The following C3orf52 variants were observed in gnomAD, a reference collection of about 807,000 sequenced individuals.
The protein encoded by C3orf52 is TPA-induced transmembrane protein.
Under a neutral mutation model 24.8 loss-of-function variants are expected in C3orf52, and 22 were observed. That is an observed-to-expected ratio of 0.89 (90% confidence interval 0.63 to 1.27). The LOEUF (loss-of-function observed/expected upper bound fraction) is 1.27. Ranked by LOEUF, C3orf52 falls within the 50% of genes most tolerant of loss-of-function variation. C3orf52 has a pLI of 0.00. For missense variants in C3orf52, 265 were observed against 260.7 expected (o/e 1.02, Z -0.11); for synonymous variants, 93 against 100.2 (o/e 0.93, Z 0.43).
chr3:112,105,518 A>G (rs2107784004), intron 3 of C3orf52, among the ~76,000 whole-genome samples: 1 of 148,434 alleles, frequency 6.7e-6, no homozygotes, highest in South Asian at 2.2e-4. Flanking sequence ...ACCCACATTC[A>G]ATGCAGAACA....
chr3:112,098,297 T>C (rs188310145), intron 2 of C3orf52, among the ~76,000 whole-genome samples: 51 of 152,362 alleles, frequency 3.3e-4, no homozygotes, highest in African/African-American at 9.1e-4. Flanking sequence ...AACTTCATTA[T>C]ACTCTTCTGA....
chr3:112,130,631 T>C (rs2107813777), downstream of C3orf52: 1 of 888,008 alleles, frequency 1.1e-6, no homozygotes, highest in Non-Finnish European at 1.9e-6. Context: ...AGAAATTGAC[T>C]GGTTGCCCTC....
exon 5 of C3orf52, chr3:112,128,238 AGAT>A (rs2107808732): frequency 1.4e-6 from 1 of 705,414 alleles, no homozygotes. Context: ...CCTAGGATGA[AGAT>A]GATACTATCA....
intron 2 of C3orf52, among the ~76,000 whole-genome samples, chr3:112,099,182 T>C (rs2073950399): frequency 1.3e-5 from 2 of 152,218 alleles, no homozygotes; most frequent in Non-Finnish European, 2.9e-5. Context: ...TTGCTTCCTG[T>C]TAAGCCCGCA....
At chr3:112,105,802 A>AAC (rs1252216068) in intron 3 of C3orf52, among the ~76,000 whole-genome samples, 1 of 150,250 alleles carries the variant, frequency 6.7e-6, no homozygotes, top group African/African-American at 2.5e-5. Context: ...CAGCCTGGGC[A>AAC]ACAGAGCGAG....
At chr3:112,120,289 G>A (rs1007377959), downstream of C3orf52, among the ~76,000 whole-genome samples, 2 of 152,162 alleles carry the variant, frequency 1.3e-5, no homozygotes, top group Non-Finnish European at 2.9e-5. Context: ...GAGCCCTTGT[G>A]GAATCCTGGA....
At chr3:112,098,984 A>G (rs76513866) in intron 2 of C3orf52, among the ~76,000 whole-genome samples, 10,419 of 152,236 alleles carry the variant, frequency 0.068, 470 homozygotes, top group African/African-American at 0.13. Flanking sequence ...TGATTGGATC[A>G]TGGGGGTAGA....
intron 1 of C3orf52, among the ~76,000 whole-genome samples, chr3:112,087,202 G>T (rs2073837924): frequency 6.6e-6 from 1 of 152,134 alleles, no homozygotes; most frequent in African/African-American, 2.4e-5. Flanking sequence ...AGGTGAACTT[G>T]CCCTGCTCAA....
downstream of C3orf52, among the ~76,000 whole-genome samples, chr3:112,118,617 AATGGT>A (rs2074160659): frequency 6.6e-6 from 1 of 152,194 alleles, no homozygotes; most frequent in South Asian, 2.1e-4. Context: ...TTTCTGCCCA[AATGGT>A]ATGGGAAAAA....
chr3:112,116,189 C>G (rs560019177), intron 5 of C3orf52, among the ~76,000 whole-genome samples: 1 of 152,192 alleles, frequency 6.6e-6, no homozygotes, highest in South Asian at 2.1e-4. Flanking sequence ...CTGTAGACCC[C>G]GGCGGGCTCC....
downstream of C3orf52, among the ~76,000 whole-genome samples, chr3:112,131,206 A>C (rs915280553): frequency 2.0e-5 from 3 of 152,200 alleles, no homozygotes; most frequent in African/African-American, 7.2e-5. Flanking sequence ...ACTGAGGCCC[A>C]AAATGCTAGG....
chr3:112,127,232 TTCTC>T (rs1429597094), intron 4 of C3orf52, among the ~76,000 whole-genome samples: 2 of 152,194 alleles, frequency 1.3e-5, no homozygotes, highest in Admixed American at 6.5e-5. Flanking sequence ...TTGTGCCTCT[TTCTC>T]TCTCTCCTCC....
chr3:112,115,467 G>A (rs929803918), intron 5 of C3orf52, among the ~76,000 whole-genome samples: 3 of 152,134 alleles, frequency 2.0e-5, no homozygotes, highest in African/African-American at 7.2e-5. Context: ...TGATTACCCA[G>A]GCAACTAGTT....
At chr3:112,116,491 G>A (rs1291438655) in intron 5 of C3orf52, 151 bp from the exon 6 acceptor site, 2 of 643,716 alleles carry the variant, frequency 3.1e-6, no homozygotes, top group African/African-American at 3.7e-5. Flanking sequence ...GTGTTGGACT[G>A]AAGACTAAAT....
chr3:112,130,645 CAT>C (rs773905076), downstream of C3orf52: 1 of 768,194 alleles, frequency 1.3e-6, no homozygotes, highest in Non-Finnish European at 2.3e-6. Flanking sequence ...TGCCCTCACA[CAT>C]GTTAATACTG....
chr3:112,094,986 T>A (rs914507894), intron 2 of C3orf52, among the ~76,000 whole-genome samples: 1 of 152,168 alleles, frequency 6.6e-6, no homozygotes, highest in South Asian at 2.1e-4. Context: ...GAAACTACAT[T>A]TTCCATTTAC....
At chr3:112,089,535 A>G (rs1283063728) in intron 1 of C3orf52, among the ~76,000 whole-genome samples, 1 of 151,620 alleles carries the variant, frequency 6.6e-6, no homozygotes, top group Non-Finnish European at 1.5e-5. Flanking sequence ...GTCTCAAAAA[A>G]AAAAAAAAAA....
At chr3:112,124,380 G>T (rs1362523340) in intron 4 of C3orf52, among the ~76,000 whole-genome samples, 1 of 152,120 alleles carries the variant, frequency 6.6e-6, no homozygotes, top group Non-Finnish European at 1.5e-5. Context: ...AGGCCGAAGT[G>T]GGTGGATCAC....
At chr3:112,108,494 G>A (rs145632851) in intron 3 of C3orf52, among the ~76,000 whole-genome samples, 1,613 of 152,234 alleles carry the variant, frequency 0.011, 20 homozygotes, top group Middle Eastern at 0.02. Context: ...GGAAACTCCC[G>A]CATGTCCAAG....
Sources: gnomAD v4.1 joint callset for allele counts (sites outside exome capture counted in the v4.1 genomes callset) on GRCh38, gnomAD v4.1.1 for gene constraint, MANE v1.5 for transcripts, NCBI Gene and HGNC (gene_info 2026-07-23, HGNC 2026-07-21) for gene names.